RILPL2: variants seen among roughly 807,000 people sequenced by gnomAD.
RILPL2 encodes the protein RILP-like protein 2.
Under a neutral mutation model 22.2 loss-of-function variants are expected in RILPL2, and 19 were observed. The ratio of observed to expected loss-of-function variants is 0.86; its 90% CI spans 0.60 to 1.25. RILPL2 has a LOEUF of 1.25. RILPL2 is among the 50% of genes most tolerant of loss of function. The pLI, the probability that RILPL2 is intolerant of heterozygous loss-of-function variation, is 0.00. For missense variants in RILPL2, 243 were observed against 263.6 expected (o/e 0.92, Z 0.54); for synonymous variants, 123 against 111.6 (o/e 1.10, Z -0.64).
At chr12:123,431,963 C>T (rs943138618) in intron 1 of RILPL2, among the ~76,000 whole-genome samples, 1 of 151,562 alleles carries the variant, frequency 6.6e-6, no homozygotes, top group Non-Finnish European at 1.5e-5. Flanking sequence ...GGCATGATCT[C>T]AGCTCACTGC....
chr12:123,425,715 T>G (rs1368667294), intron 2 of RILPL2, among the ~76,000 whole-genome samples: 1 of 150,582 alleles, frequency 6.6e-6, no homozygotes, highest in Non-Finnish European at 1.5e-5. Context: ...AGTGGTGCGA[T>G]CTTGGCTCAC....
At chr12:123,430,904 G>A (rs1013131981) in intron 1 of RILPL2, among the ~76,000 whole-genome samples, 109 of 152,126 alleles carry the variant, frequency 7.2e-4, no homozygotes, top group Non-Finnish European at 5.3e-4. Context: ...TTGCCTTGTT[G>A]GCCAAGCTGG....
chr12:123,426,895 G>T (rs1205705842), intron 2 of RILPL2, among the ~76,000 whole-genome samples: 1 of 150,732 alleles, frequency 6.6e-6, no homozygotes, highest in Non-Finnish European at 1.5e-5. Flanking sequence ...AGCCACCGCG[G>T]CCAGCCGACT....
intron 1 of RILPL2, among the ~76,000 whole-genome samples, chr12:123,434,684 C>T (rs895350462): frequency 1.3e-5 from 2 of 151,730 alleles, no homozygotes; most frequent in African/African-American, 4.8e-5. Flanking sequence ...CCTTGGCCTC[C>T]CAAAGTGCTG....
intron 2 of RILPL2, among the ~76,000 whole-genome samples, chr12:123,425,980 A>C (rs1879433424): frequency 6.6e-6 from 1 of 152,058 alleles, no homozygotes; most frequent in Admixed American, 6.6e-5. Context: ...CAATAATTAA[A>C]AAAAATTTTT....
chr12:123,429,872 T>C (rs1270203411), intron 2 of RILPL2, among the ~76,000 whole-genome samples: 1 of 151,248 alleles, frequency 6.6e-6, no homozygotes, highest in Non-Finnish European at 1.5e-5. Flanking sequence ...CCCAGCACTT[T>C]GGGGAGGCTG....
At chr12:123,424,371 G>A (rs996412073) in intron 2 of RILPL2, among the ~76,000 whole-genome samples, 10 of 137,896 alleles carry the variant, frequency 7.3e-5, no homozygotes, top group African/African-American at 2.1e-4. Flanking sequence ...TTGCTCTGTC[G>A]CCCAGACTGG....
chr12:123,427,546 T>C (rs1274752618), intron 2 of RILPL2, among the ~76,000 whole-genome samples: 4 of 151,872 alleles, frequency 2.6e-5, no homozygotes, highest in African/African-American at 7.3e-5. Context: ...CCTGGAATTA[T>C]ACTTTTTTTT....
chr12:123,430,436 A>G (rs2139250186), intron 2 of RILPL2, 72 bp downstream of exon 2: 1 of 1,434,444 alleles, frequency 7.0e-7, no homozygotes, highest in African/African-American at 1.5e-5. Flanking sequence ...ACAAAACAAA[A>G]ACAAATATGT....
chr12:123,412,494 G>A (rs1386484130), downstream of RILPL2: 3 of 152,160 alleles, frequency 2.0e-5, no homozygotes, highest in Admixed American at 6.6e-5. Context: ...ATCTAATGAT[G>A]CTGTTGAGAC....
At chr12:123,432,755 C>T (rs994273801) in intron 1 of RILPL2, among the ~76,000 whole-genome samples, 7 of 152,200 alleles carry the variant, frequency 4.6e-5, no homozygotes, top group African/African-American at 7.2e-5. Context: ...TCCTTGTGCC[C>T]GGAGAGGGAG....
chr12:123,417,407 G>A (rs1244239837), intron 3 of RILPL2, among the ~76,000 whole-genome samples: 1 of 151,910 alleles, frequency 6.6e-6, no homozygotes, highest in Non-Finnish European at 1.5e-5. Flanking sequence ...CATAAATACG[G>A]TCATGTTACT....
In RILPL2 at chr12:123,423,084, C is replaced by T. The variant is rs1175669490; in HGVS notation, c.565G>A (p.Ala189Thr). The change falls in exon 3 of 4, where the codon GCT (alanine) becomes ACT (threonine). Residue 189 changes from alanine (A) to threonine (T), a missense_variant. Physicochemically the swap from Ala to Thr is moderately conservative, Grantham distance 58 (BLOSUM62 0). Coordinates refer to ENST00000280571, the MANE Select transcript of RILPL2 (RefSeq NM_145058.3). ...KDAVVTSAKNAGRNKEEKTII... is the reference protein window; with the variant it reads ...KDAVVTSAKNTGRNKEEKTII... Reference sequence around the variant, plus strand: ...GTCTTCTCCTCCTTGTTCCTGCCAGCATTTTTGGCACTAGTAACCACAGCA... The same window carrying T: ...GTCTTCTCCTCCTTGTTCCTGCCAGTATTTTTGGCACTAGTAACCACAGCA... 6.2e-7 allele frequency: 1 copy of T among 1,613,678 alleles called. No individual in the cohort carries two copies. The highest frequency in any genetic ancestry group is 8.5e-7 in the Non-Finnish European group (1 of 1,179,918).
the RILPL2 span, among the ~76,000 whole-genome samples, chr12:123,409,910 G>A: frequency 2.5e-4 from 38 of 151,884 alleles, no homozygotes; most frequent in African/African-American, 9.0e-4. Context: ...ATTTTTAGTA[G>A]AGACGGTCTT....
Position 123,423,129 on chromosome 12 carries a change from C to G in RILPL2, c.520G>C (p.Gly174Arg). ...SGLIPPREGP[G>R]GRREKDAVVT... Reference sequence around the variant, plus strand: ...ACAGCATCTTTTTCTCTTCTTCCTCCTGGGCCTTCTCTTGGTGGAATCAGG... The same window carrying G: ...ACAGCATCTTTTTCTCTTCTTCCTCGTGGGCCTTCTCTTGGTGGAATCAGG... Residue 174 changes from glycine (G) to arginine (R), a missense_variant, in exon 3 of 4, where the codon GGA becomes CGA. Coordinates refer to ENST00000280571, the MANE Select transcript of RILPL2 (RefSeq NM_145058.3). 1 of 1,613,546 alleles carries G rather than the reference C, an allele frequency of 6.2e-7. No individual in the cohort carries two copies. Among genetic ancestry groups the G allele is most frequent in the Non-Finnish European group, 8.5e-7 (1 of 1,179,792 alleles).
At chr12:123,420,025 T>TC (rs200529306) in intron 3 of RILPL2, among the ~76,000 whole-genome samples, 4,490 of 139,342 alleles carry the variant, frequency 0.032, 123 homozygotes, top group Non-Finnish European at 0.052. Flanking sequence ...GGGGTTTCTT[T>TC]TTTTTTTTTT....
chr12:123,427,306 G>A (rs1879468837), intron 2 of RILPL2, among the ~76,000 whole-genome samples: 1 of 152,078 alleles, frequency 6.6e-6, no homozygotes, highest in African/African-American at 2.4e-5. Flanking sequence ...AGCATTCTAA[G>A]AGCACAGAAA....
chr12:123,436,059 G>C lies in RILPL2; in HGVS notation c.339+23C>G, dbSNP rs1250653700. 1 of 1,553,312 alleles carries C rather than the reference G, an allele frequency of 6.4e-7. No homozygotes were observed. Among genetic ancestry groups the C allele is most frequent in the South Asian group, 1.2e-5 (1 of 85,106 alleles). ...TACGCCCCGCAGGCGCCGTGGGCCC[G>C]GAACCCTCGCTCCCACACTCACCTC... On this transcript the variant is annotated intron_variant, in intron 1 of 3. Coordinates refer to ENST00000280571, the MANE Select transcript of RILPL2 (RefSeq NM_145058.3). This position sits in a 1 kb window ranked among gnomAD's most constrained non-coding sequence, Gnocchi z 6.7.
chr12:123,423,548 AATG>A lies in RILPL2; in HGVS notation c.492-394_492-392del, dbSNP rs370136279. 2.0e-4 allele frequency among the ~76,000 whole-genome samples: 30 copies of A among 151,884 alleles called. No homozygotes were observed. In the South Asian group the frequency reaches 2.5e-3, roughly 13 times the overall value. ...TGCAGCTCTGAAAATAAAGGGTCTT[AATG>A]ATGATGATGATGATTATGGTAATAT... On this transcript the variant is annotated intron_variant, in intron 2 of 3. Coordinates refer to ENST00000280571, the MANE Select transcript of RILPL2 (RefSeq NM_145058.3).
Sources: allele counts gnomAD v4.1 joint callset (sites outside exome capture counted in the v4.1 genomes callset), GRCh38; gene constraint gnomAD v4.1.1; non-coding constraint Gnocchi (gnomAD v3.1); transcripts MANE v1.5; gene names NCBI Gene and HGNC (gene_info 2026-07-23, HGNC 2026-07-21).